The following SLC30A8 variants were observed in gnomAD, a reference collection of about 807,000 sequenced individuals.
SLC30A8 encodes the protein solute carrier family 30 member 8, also known as proton-coupled zinc antiporter SLC30A8.
SLC30A8 carries 27 observed loss-of-function variants against 36.9 expected under a neutral mutation model. The ratio of observed to expected loss-of-function variants is 0.73; its 90% CI spans 0.54 to 1.01. The LOEUF (loss-of-function observed/expected upper bound fraction) is 1.01, where lower values mean the gene tolerates loss of function less well. SLC30A8 is among the 50% of genes least tolerant of loss of function. The probability of loss-of-function intolerance (pLI) is 0.00; values close to 1 mark genes in which losing one functional copy is unlikely to be tolerated. For missense variants in SLC30A8, 439 were observed against 452.0 expected (o/e 0.97, Z 0.26); for synonymous variants, 164 against 172.4 (o/e 0.95, Z 0.38).
At chr8:117,050,605 A>T (rs989625126) in intron 2 of SLC30A8, among the ~76,000 whole-genome samples, 1 of 152,134 alleles carries the variant, frequency 6.6e-6, no homozygotes, top group Non-Finnish European at 1.5e-5. Flanking sequence ...GGGTTTCACC[A>T]TGTTGACCAG....
chr8:117,124,758 G>A (rs1332946369), intron 2 of SLC30A8, among the ~76,000 whole-genome samples: 1 of 151,250 alleles, frequency 6.6e-6, no homozygotes. Context: ...AGCACATTAT[G>A]TACATAAAGA....
chr8:117,172,752 CAT>C lies in SLC30A8; in HGVS notation c.*73_*74del. The C allele has an allele frequency of 6.5e-7, 1 of 1,543,888 alleles. No homozygotes were observed. The highest frequency in any genetic ancestry group is 8.9e-7 in the Non-Finnish European group (1 of 1,127,854). On this transcript the variant is annotated 3_prime_UTR_variant, in exon 8 of 8. Coordinates refer to ENST00000456015, the MANE Select transcript of SLC30A8 (RefSeq NM_173851.3). ...ACATGCTGCTATGCAGTTTCTGCATCATAGAAAATAAGGAACCAAAGGAAGAA... is the reference window on the plus strand; with the variant it reads ...ACATGCTGCTATGCAGTTTCTGCATCAGAAAATAAGGAACCAAAGGAAGAA...
At chr8:117,105,911 G>T (rs1819973682) in intron 2 of SLC30A8, among the ~76,000 whole-genome samples, 1 of 152,132 alleles carries the variant, frequency 6.6e-6, no homozygotes, top group Admixed American at 6.5e-5. Flanking sequence ...CTCTTAAATT[G>T]CAGAGAGCAG....
intron 1 of SLC30A8, among the ~76,000 whole-genome samples, chr8:116,971,314 A>AT (rs1814790971): frequency 3.3e-5 from 5 of 151,934 alleles, no homozygotes. Context: ...AAAAAAAAAA[A>AT]CAAAAACACA....
At chr8:116,994,333 G>A (rs1196885545) in intron 1 of SLC30A8, among the ~76,000 whole-genome samples, 1 of 152,034 alleles carries the variant, frequency 6.6e-6, no homozygotes, top group South Asian at 2.1e-4. Flanking sequence ...GATTACATCC[G>A]TGCACAGAAA....
At position 117,000,699 on chromosome 8, in the gene SLC30A8, T is replaced by A. The variant is rs187621841; in HGVS notation, c.-265-38520T>A. Among the ~76,000 whole-genome samples, 358 of 152,236 alleles carry A rather than the reference T, an allele frequency of 2.4e-3. 3 individuals are homozygous for A. Among genetic ancestry groups the A allele is most frequent in the African/African-American group, 8.3e-3 (344 of 41,544 alleles). On this transcript the variant is annotated intron_variant, in intron 1 of 10. Coordinates refer to the SLC30A8 transcript ENST00000427715. ...AGCAGTTATTATTAATATCTAATAG[T>A]GGGTGCTGTGCCAAGAATTGTTCTA...
intron 1 of SLC30A8, among the ~76,000 whole-genome samples, chr8:116,968,641 G>T (rs1586339060): frequency 7.4e-6 from 1 of 134,858 alleles, no homozygotes; most frequent in East Asian, 2.5e-4. Flanking sequence ...CAGGTCTCAT[G>T]ACAATGAATA....
At chr8:117,092,290 G>C (rs1819167049) in intron 2 of SLC30A8, among the ~76,000 whole-genome samples, 1 of 151,986 alleles carries the variant, frequency 6.6e-6, no homozygotes, top group Non-Finnish European at 1.5e-5. Context: ...GTCATTGCAT[G>C]ATATAAAGAT....
chr8:116,981,372 A>G (rs1314327515), intron 1 of SLC30A8, among the ~76,000 whole-genome samples: 2 of 152,226 alleles, frequency 1.3e-5, no homozygotes, highest in Non-Finnish European at 2.9e-5. Flanking sequence ...AGTCACAAGT[A>G]GGCCCTGATA....
At chr8:117,111,981 A>G (rs896310933) in intron 2 of SLC30A8, among the ~76,000 whole-genome samples, 1 of 152,152 alleles carries the variant, frequency 6.6e-6, no homozygotes, top group African/African-American at 2.4e-5. Flanking sequence ...AGGTACCCCA[A>G]GTCATCTAAG....
chr8:116,951,522 C>A (rs1230010116), intron 1 of SLC30A8, among the ~76,000 whole-genome samples: 3 of 152,056 alleles, frequency 2.0e-5, no homozygotes, highest in Admixed American at 2.0e-4. Flanking sequence ...TATTTACTCC[C>A]TTAGCACTCA....
At chr8:117,063,817 A>G (rs771470681) in intron 2 of SLC30A8, among the ~76,000 whole-genome samples, 1 of 152,138 alleles carries the variant, frequency 6.6e-6, no homozygotes, top group Non-Finnish European at 1.5e-5. Flanking sequence ...CACATTTGAC[A>G]TGTGATTTTT....
At chr8:116,974,571 A>G (rs1384076701) in intron 1 of SLC30A8, among the ~76,000 whole-genome samples, 2 of 152,176 alleles carry the variant, frequency 1.3e-5, no homozygotes, top group East Asian at 3.8e-4. Flanking sequence ...AAATAGGAAC[A>G]TTTTTACACT....
chr8:117,053,691 T>C (rs1447771261), intron 2 of SLC30A8, among the ~76,000 whole-genome samples: 1 of 152,200 alleles, frequency 6.6e-6, no homozygotes, highest in Non-Finnish European at 1.5e-5. Context: ...ACATTCTCTC[T>C]ACCACAACCC....
chr8:116,954,245 T>C (rs1157100407), intron 1 of SLC30A8, among the ~76,000 whole-genome samples: 1 of 152,088 alleles, frequency 6.6e-6, no homozygotes, highest in African/African-American at 2.4e-5. Context: ...TGGGGAGACA[T>C]GAGAGTTCAG....
At chr8:117,114,425 A>G (rs1199480439) in intron 2 of SLC30A8, among the ~76,000 whole-genome samples, 6 of 152,104 alleles carry the variant, frequency 3.9e-5, no homozygotes, top group African/African-American at 1.4e-4. Flanking sequence ...CAATTTGGTG[A>G]TGAAAGAGAG....
chr8:116,996,602 C>T (rs531656462), intron 1 of SLC30A8, among the ~76,000 whole-genome samples: 1 of 152,236 alleles, frequency 6.6e-6, no homozygotes, highest in South Asian at 2.1e-4. Flanking sequence ...TCTCCCTGAG[C>T]AGGAAGGGTG....
At chr8:116,988,122 T>A (rs571280083) in intron 1 of SLC30A8, among the ~76,000 whole-genome samples, 8 of 152,328 alleles carry the variant, frequency 5.3e-5, no homozygotes, top group African/African-American at 1.9e-4. Flanking sequence ...GATTTAGACT[T>A]ATAAGAGTGA....
At chr8:117,043,209 C>G (rs1817444431) in intron 2 of SLC30A8, among the ~76,000 whole-genome samples, 1 of 152,166 alleles carries the variant, frequency 6.6e-6, no homozygotes, top group Non-Finnish European at 1.5e-5. Flanking sequence ...AGCATGGAGC[C>G]TGTTTTTTGG....
Sources: allele counts gnomAD v4.1 joint callset (sites outside exome capture counted in the v4.1 genomes callset), GRCh38; gene constraint gnomAD v4.1.1; transcripts MANE v1.5; gene names NCBI Gene and HGNC (gene_info 2026-07-23, HGNC 2026-07-21).